Variants in RAPGEF6 observed in about 807,000 individuals in gnomAD.
RAPGEF6 encodes Rap guanine nucleotide exchange factor 6, also known as PDZ domain containing guanine nucleotide exchange factor (GEF) 2.
A neutral mutation model predicts 171.4 loss-of-function variants in RAPGEF6; 56 were observed. The observed-to-expected ratio is 0.33, with a 90% CI of 0.26 to 0.41. The LOEUF (loss-of-function observed/expected upper bound fraction) is 0.41. Ranked by LOEUF, RAPGEF6 falls within the 10% of genes least tolerant of loss-of-function variation. The pLI, the probability that RAPGEF6 is intolerant of heterozygous loss-of-function variation, is 1.00. For missense variants in RAPGEF6, 1,674 were observed against 1,921.4 expected (o/e 0.87, Z 2.41); for synonymous variants, 692 against 650.1 (o/e 1.06, Z -0.98).
chr5:131,531,458 C>T (rs970980160), intron 6 of RAPGEF6, among the ~76,000 whole-genome samples: 1 of 152,100 alleles, frequency 6.6e-6, no homozygotes, highest in Non-Finnish European at 1.5e-5. Context: ...GGTTGTATAG[C>T]ACTTTGCTTT....
chr5:131,529,703 G>A (rs1201931911), intron 6 of RAPGEF6, among the ~76,000 whole-genome samples: 1 of 152,006 alleles, frequency 6.6e-6, no homozygotes, highest in Non-Finnish European at 1.5e-5. Context: ...TTGAGTCCAG[G>A]AGTTTGAGAC....
At chr5:131,446,429 A>C in intron 22 of RAPGEF6, 54 bp downstream of exon 22, 1 of 1,485,816 alleles carries the variant, frequency 6.7e-7, no homozygotes, top group African/African-American at 1.4e-5. Context: ...TAGAGAAATA[A>C]GTTTTTATTT....
At chr5:131,617,786 T>C (rs1172505702) in intron 1 of RAPGEF6, among the ~76,000 whole-genome samples, 1 of 152,248 alleles carries the variant, frequency 6.6e-6, no homozygotes, top group Non-Finnish European at 1.5e-5. Context: ...GGCTATCACA[T>C]GGTAAATATA....
chr5:131,580,487 G>A (rs578065156), intron 4 of RAPGEF6, among the ~76,000 whole-genome samples: 1 of 152,300 alleles, frequency 6.6e-6, no homozygotes, highest in Non-Finnish European at 1.5e-5. Flanking sequence ...CTCCCACAGT[G>A]CAGCGGCGGG....
intron 7 of RAPGEF6, among the ~76,000 whole-genome samples, chr5:131,513,313 C>T (rs1757863311): frequency 6.6e-6 from 1 of 152,156 alleles, no homozygotes; most frequent in South Asian, 2.1e-4. Context: ...TCTCAATATG[C>T]AGGAGAGCTC....
chr5:131,597,489 GTA>G (rs1763970171), intron 3 of RAPGEF6, among the ~76,000 whole-genome samples: 1 of 151,994 alleles, frequency 6.6e-6, no homozygotes, highest in Non-Finnish European at 1.5e-5. Context: ...AGAAAATGGG[GTA>G]TATATACTCA....
intron 23 of RAPGEF6, 47 bp from the exon 24 acceptor site, chr5:131,439,762 A>G: frequency 6.3e-7 from 1 of 1,596,340 alleles, no homozygotes; most frequent in Non-Finnish European, 8.5e-7. Flanking sequence ...TCACAATTAA[A>G]ATGTCTATAG....
At position 131,635,171 on chromosome 5, in the gene RAPGEF6, A is replaced by C; in HGVS notation, c.-141T>G. The C allele has an allele frequency of 1.2e-6, 1 of 813,726 alleles. No homozygotes were observed. The highest frequency in any genetic ancestry group is 1.9e-6 in the Non-Finnish European group (1 of 538,966). 50.4% of individuals were successfully genotyped at this position (813,726 alleles called of 1,614,324 possible). ...AACAAGGTCCGAACTCTAGCAAACA[A>C]CCCTTCGCAACGCCCGCCTAAGGCC... On this transcript the variant is annotated 5_prime_UTR_variant, in exon 1 of 28. Coordinates refer to ENST00000509018, the MANE Select transcript of RAPGEF6 (RefSeq NM_016340.6).
chr5:131,545,154 A>T (rs1760434098), intron 6 of RAPGEF6, among the ~76,000 whole-genome samples: 1 of 152,186 alleles, frequency 6.6e-6, no homozygotes, highest in Admixed American at 6.5e-5. Context: ...AAGTCACATT[A>T]AGATTAGGAT....
chr5:131,477,004 A>G (rs539792033), intron 16 of RAPGEF6, among the ~76,000 whole-genome samples: 1 of 152,312 alleles, frequency 6.6e-6, no homozygotes, highest in East Asian at 1.9e-4. Flanking sequence ...CTGGATCAAT[A>G]TCAATATAGA....
At chr5:131,528,317 A>ATATATATTTATATAT (rs1561538280) in intron 6 of RAPGEF6, among the ~76,000 whole-genome samples, 15 of 44,298 alleles carry the variant, frequency 3.4e-4, no homozygotes, top group South Asian at 7.4e-4. Flanking sequence ...TTTATATTAT[A>ATATATATTTATATAT]TATATATATA....
chr5:131,439,773 T>C, intron 23 of RAPGEF6, 58 bp from the exon 24 acceptor site: 1 of 1,582,428 alleles, frequency 6.3e-7, no homozygotes, highest in Non-Finnish European at 8.6e-7. Context: ...ATGTCTATAG[T>C]TGCCTAAATC....
At position 131,501,858 on chromosome 5, in the gene RAPGEF6, T is replaced by A. The variant is rs192216425; in HGVS notation, c.1254+2768A>T. Among the ~76,000 whole-genome samples, 741 of 152,236 alleles carry A rather than the reference T, an allele frequency of 4.9e-3. 9 individuals carry two copies. The highest frequency in any genetic ancestry group is 0.017 in the African/African-American group (724 of 41,534). ...TTGTAACTCATGGTTGTTTAATATA[T>A]ATATAAAGTTATAGATGTGTATGTG... On this transcript the variant is annotated intron_variant, in intron 11 of 27. Transcript: ENST00000509018.
At chr5:131,471,513 AG>A (rs1021306622) in intron 17 of RAPGEF6, among the ~76,000 whole-genome samples, 3 of 152,156 alleles carry the variant, frequency 2.0e-5, no homozygotes, top group Non-Finnish European at 4.4e-5. Context: ...TCAAAATTGA[AG>A]GTGAATCAGA....
chr5:131,585,106 CAT>C (rs1233709572), intron 4 of RAPGEF6, among the ~76,000 whole-genome samples: 1 of 152,100 alleles, frequency 6.6e-6, no homozygotes, highest in African/African-American at 2.4e-5. Flanking sequence ...CTGGCACACA[CAT>C]ATGTGGATAT....
chr5:131,438,873 A>G (rs1235997088), intron 24 of RAPGEF6, among the ~76,000 whole-genome samples: 1 of 152,188 alleles, frequency 6.6e-6, no homozygotes, highest in Non-Finnish European at 1.5e-5. Context: ...GGAAAAGCAT[A>G]TTTGTTTTCC....
chr5:131,544,441 C>A (rs191070783), intron 6 of RAPGEF6, among the ~76,000 whole-genome samples: 1 of 145,690 alleles, frequency 6.9e-6, no homozygotes, highest in Non-Finnish European at 1.5e-5. Flanking sequence ...AAGAAGCCCA[C>A]CCCCCCAAAA....
intron 16 of RAPGEF6, among the ~76,000 whole-genome samples, chr5:131,474,033 T>C (rs1027630387): frequency 1.3e-5 from 2 of 152,234 alleles, no homozygotes; most frequent in Non-Finnish European, 2.9e-5. Context: ...TTATAAACTT[T>C]GGTTTTCTCA....
Position 131,472,580 on chromosome 5 carries a change from A to T in RAPGEF6, c.2239+7T>A, listed in dbSNP as rs1332705472. The T allele has an allele frequency of 1.2e-6, 2 of 1,612,394 alleles. No homozygotes were observed. The highest frequency in any genetic ancestry group is 2.2e-5 in the South Asian group (2 of 91,024). ...TACGGCAATATAAAATCACATATGA[A>T]AATTACCTGAAGGATTGGAAAAATC... On this transcript the variant is annotated splice_region_variant and intron_variant, in intron 17 of 27. Coordinates refer to ENST00000509018, the MANE Select transcript of RAPGEF6 (RefSeq NM_016340.6).
Sources: gnomAD v4.1 joint callset for allele counts (sites outside exome capture counted in the v4.1 genomes callset) on GRCh38, gnomAD v4.1.1 for gene constraint, MANE v1.5 for transcripts, NCBI Gene and HGNC (gene_info 2026-07-23, HGNC 2026-07-21) for gene names.